The following MTCH2 variants were observed in gnomAD, a reference collection of about 807,000 sequenced individuals.
MTCH2 encodes mitochondrial carrier 2.
In MTCH2, 25 loss-of-function variants were observed where a neutral mutation model predicts 50.6. The observed-to-expected ratio is 0.49, with a 90% CI of 0.36 to 0.69. The LOEUF is 0.69. MTCH2 is among the 30% of genes least tolerant of loss of function. The pLI is 0.00. For missense variants in MTCH2, 273 were observed against 384.4 expected (o/e 0.71, Z 2.42); for synonymous variants, 106 against 132.0 (o/e 0.80, Z 1.35).
downstream of MTCH2, among the ~76,000 whole-genome samples, chr11:47,614,472 TTTTC>T (rs2097287238): frequency 1.3e-5 from 2 of 152,320 alleles, no homozygotes; most frequent in Admixed American, 1.3e-4. Context: ...AGTTTTTCTT[TTTTC>T]TTTTTTTTTG....
At chr11:47,609,798 T>A in the MTCH2 span, among the ~76,000 whole-genome samples, 1 of 152,162 alleles carries the variant, frequency 6.6e-6, no homozygotes, top group African/African-American at 2.4e-5. Flanking sequence ...ATCTACTGCC[T>A]ACTGCCTTGA....
At chr11:47,638,883 T>C in intron 2 of MTCH2, 78 bp from the exon 3 acceptor site, 1 of 1,573,658 alleles carries the variant, frequency 6.4e-7, no homozygotes. Context: ...GAAACAAGCT[T>C]TCTATATATT....
At chr11:47,607,235 G>A in the MTCH2 span, among the ~76,000 whole-genome samples, 2 of 152,214 alleles carry the variant, frequency 1.3e-5, no homozygotes, top group Non-Finnish European at 2.9e-5. Flanking sequence ...ATGTACCTGT[G>A]CATGGAAGGT....
chr11:47,628,873 C>A (rs1023230777), intron 9 of MTCH2, 80 bp downstream of exon 9: 5 of 1,308,000 alleles, frequency 3.8e-6, no homozygotes, highest in African/African-American at 1.5e-5. Flanking sequence ...CCACCTCGCC[C>A]GGCCCATCTT....
chr11:47,629,434 C>A, intron 8 of MTCH2: 2 of 217,558 alleles, frequency 9.2e-6, no homozygotes, highest in Non-Finnish European at 9.4e-6. Flanking sequence ...TTTGGCAGAG[C>A]AAAAGACGAG....
intron 1 of MTCH2, among the ~76,000 whole-genome samples, chr11:47,639,831 C>T (rs976232904): frequency 6.6e-6 from 1 of 151,914 alleles, no homozygotes; most frequent in South Asian, 2.1e-4. Flanking sequence ...AACAGCGAGA[C>T]TCCATCTCAA....
intron 3 of MTCH2, among the ~76,000 whole-genome samples, chr11:47,638,141 C>T (rs1405651798): frequency 2.0e-5 from 3 of 151,930 alleles, no homozygotes; most frequent in Non-Finnish European, 4.4e-5. Flanking sequence ...TCTTACTTTA[C>T]AGTTACATAA....
intron 5 of MTCH2, among the ~76,000 whole-genome samples, chr11:47,634,330 T>C (rs1330623740): frequency 6.6e-6 from 1 of 152,160 alleles, no homozygotes; most frequent in Non-Finnish European, 1.5e-5. Context: ...TCTTCCTGCC[T>C]TGGCCTCCCA....
At chr11:47,608,396 G>A in the MTCH2 span, among the ~76,000 whole-genome samples, 1 of 152,020 alleles carries the variant, frequency 6.6e-6, no homozygotes, top group Non-Finnish European at 1.5e-5. Context: ...AAAGATGGGA[G>A]ATGAGGAGGT....
the MTCH2 span, among the ~76,000 whole-genome samples, chr11:47,607,755 G>T: frequency 1.9e-3 from 288 of 152,290 alleles, 1 homozygote; most frequent in Middle Eastern, 0.014. Flanking sequence ...CAGCCGAGGG[G>T]TGGGAAGACC....
chr11:47,625,844 C>A, intron 10 of MTCH2, 103 bp from the exon 11 acceptor site: 1 of 828,946 alleles, frequency 1.2e-6, no homozygotes. Context: ...GACACTCTAA[C>A]ACTTGTCTCG....
chr11:47,622,795 T>TG lies in MTCH2; in HGVS notation c.750-20dup. The TG allele has an allele frequency of 1.8e-6, 2 of 1,131,086 alleles. No homozygotes were observed. The highest frequency in any genetic ancestry group is 1.1e-6 in the Non-Finnish European group (1 of 910,406). 70.1% of individuals were successfully genotyped at this position (1,131,086 alleles called of 1,614,324 possible). A position where few individuals can be genotyped will look rare whatever the true frequency, so the allele number is the denominator to read the frequency against. On this transcript the variant is annotated intron_variant, in intron 11 of 12. Coordinates refer to ENST00000302503, the MANE Select transcript of MTCH2 (RefSeq NM_014342.4). Reference sequence around the variant, plus strand: ...AGCAAGACTAAAATAGAAAAAAACATGGAGCTATTCATGTTAATATTAACC... The same window carrying TG: ...AGCAAGACTAAAATAGAAAAAAACATGGGAGCTATTCATGTTAATATTAACC...
chr11:47,627,183 A>C (rs2097298960), intron 9 of MTCH2, 56 bp from the exon 10 acceptor site: 15 of 1,265,830 alleles, frequency 1.2e-5, no homozygotes, highest in Middle Eastern at 1.9e-4. Flanking sequence ...ACACATCAAT[A>C]TATTCTTTTT....
chr11:47,625,827 GCGGTGAGACACTCTAACA>G, intron 10 of MTCH2, 86 bp from the exon 11 acceptor site: 1 of 1,009,240 alleles, frequency 9.9e-7, no homozygotes, highest in Non-Finnish European at 1.5e-6. Context: ...TAGTGCCACT[GCGGTGAGACACTCTAACA>G]CTTGTCTCGC....
In MTCH2 at chr11:47,617,427, T is replaced by C. The variant is rs550976847; in HGVS notation, c.*1406A>G. 6.6e-6 allele frequency: 1 copy of C among 152,352 alleles called. No homozygotes were observed. The highest frequency in any genetic ancestry group is 2.1e-4 in the South Asian group (1 of 4,826). The allele number at this position is 152,352 out of a possible 1,614,324, so 9.4% of individuals were successfully genotyped here. ...AGTAATATTGAAATAGTATATAAAA[T>C]TGACATTACTTTTTGAGACAAAGGA... On this transcript the variant is annotated 3_prime_UTR_variant, in exon 13 of 13. Transcript: ENST00000302503.
chr11:47,609,193 G>A, the MTCH2 span, among the ~76,000 whole-genome samples: 4 of 150,034 alleles, frequency 2.7e-5, no homozygotes, highest in East Asian at 5.9e-4. Context: ...GGTGGCTCAC[G>A]CTTATAATCC....
At chr11:47,606,467 A>C in the MTCH2 span, among the ~76,000 whole-genome samples, 2 of 151,936 alleles carry the variant, frequency 1.3e-5, no homozygotes, top group Admixed American at 6.6e-5. Context: ...CCACCTTTTA[A>C]ATTTTGAACT....
intron 1 of MTCH2, 52 bp from the exon 2 acceptor site, chr11:47,639,103 C>A: frequency 6.7e-7 from 1 of 1,485,288 alleles, no homozygotes; most frequent in Non-Finnish European, 9.2e-7. Context: ...CCAGAAATGT[C>A]TTGCTTGCAA....
downstream of MTCH2, among the ~76,000 whole-genome samples, chr11:47,614,135 G>T (rs1410882760): frequency 6.6e-6 from 1 of 151,868 alleles, no homozygotes; most frequent in Admixed American, 6.6e-5. Flanking sequence ...TACAATTTTA[G>T]CATTTTATAG....
Sources: gnomAD v4.1 joint callset for allele counts (sites outside exome capture counted in the v4.1 genomes callset) on GRCh38, gnomAD v4.1.1 for gene constraint, MANE v1.5 for transcripts, NCBI Gene and HGNC (gene_info 2026-07-23, HGNC 2026-07-21) for gene names.